Variants in LRRC40 observed in about 807,000 individuals in gnomAD.
LRRC40 encodes the protein leucine-rich repeat-containing protein 40.
In LRRC40, 76 loss-of-function variants were observed where a neutral mutation model predicts 72.8. The observed-to-expected ratio is 1.04, with a 90% CI of 0.87 to 1.26. LRRC40 has a LOEUF of 1.26. Among genes scored for constraint, LRRC40 ranks in the 50% most tolerant of loss-of-function variants. The pLI, the probability that LRRC40 is intolerant of heterozygous loss-of-function variation, is 0.00. For synonymous variants in LRRC40, 243 were observed against 254.2 expected (o/e 0.96, Z 0.42); for missense variants, 684 against 698.9 (o/e 0.98, Z 0.24).
At position 70,144,947 on chromosome 1, in the gene LRRC40, A is replaced by ACTT. The variant is rs1402447465; in HGVS notation, c.*850_*852dup. ...AATTGATATACATGCTACTGAATTG[A>ACTT]CTTCTTAATAGAATCATATGGTAAG... On this transcript the variant is annotated 3_prime_UTR_variant, in exon 15 of 15. Transcript: ENST00000370952. The ACTT allele has an allele frequency of 6.6e-6, 1 of 152,206 alleles. No individual in the cohort carries two copies. The highest frequency in any genetic ancestry group is 2.4e-5 in the African/African-American group (1 of 41,462). 9.4% of individuals were successfully genotyped at this position (152,206 alleles called of 1,614,324 possible). A position where few individuals can be genotyped will look rare whatever the true frequency, so the allele number is the denominator to read the frequency against.
At chr1:70,165,446 G>A (rs1010595148) in intron 9 of LRRC40, among the ~76,000 whole-genome samples, 6 of 152,306 alleles carry the variant, frequency 3.9e-5, no homozygotes, top group Admixed American at 3.3e-4. Context: ...ACAGACAAGT[G>A]CCTTTTAATG....
At position 70,189,269 on chromosome 1, in the gene LRRC40, C is replaced by T. The variant is rs530549746; in HGVS notation, c.156G>A (p.Pro52=). 8.5e-6 allele frequency: 13 copies of T among 1,533,744 alleles called. No homozygotes were observed. The highest frequency in any genetic ancestry group is 4.6e-5 in the East Asian group (2 of 43,202). The part of the protein sequence containing the change: ...NLSGRNLSEV[P]QCVWRINVDI... ...CCACATTTATTCTCCAGACACACTG[C>T]GGCACTAGTTCCATCAGCACCACAC... Residue 52 remains proline (P), a synonymous_variant, in exon 2 of 15, where the codon CCG becomes CCA. Coordinates refer to ENST00000370952, the MANE Select transcript of LRRC40 (RefSeq NM_017768.5).
At chr1:70,156,333 C>T (rs1444677164) in intron 10 of LRRC40, among the ~76,000 whole-genome samples, 1 of 152,008 alleles carries the variant, frequency 6.6e-6, no homozygotes, top group Non-Finnish European at 1.5e-5. Flanking sequence ...CAATTTCTCT[C>T]TCCTTTAGTA....
At chr1:70,202,036 C>G (rs1668752207) in intron 1 of LRRC40, among the ~76,000 whole-genome samples, 1 of 151,928 alleles carries the variant, frequency 6.6e-6, no homozygotes, top group Non-Finnish European at 1.5e-5. Context: ...GGCCAAAATC[C>G]AAAAACCTGA....
At chr1:70,183,182 T>C (rs1417836851) in intron 4 of LRRC40, among the ~76,000 whole-genome samples, 1 of 152,160 alleles carries the variant, frequency 6.6e-6, no homozygotes, top group African/African-American at 2.4e-5. Context: ...TCAAGGAGGA[T>C]GTACACACAG....
intron 2 of LRRC40, among the ~76,000 whole-genome samples, chr1:70,188,852 A>C (rs747745285): frequency 3.3e-5 from 5 of 152,194 alleles, no homozygotes; most frequent in Non-Finnish European, 4.4e-5. Context: ...ACAGATGTGG[A>C]GACTAAGGCA....
At chr1:70,156,941 C>T (rs1667650632) in intron 10 of LRRC40, among the ~76,000 whole-genome samples, 2 of 152,042 alleles carry the variant, frequency 1.3e-5, no homozygotes, top group African/African-American at 2.4e-5. Flanking sequence ...TGTGGATAAG[C>T]GGGACTACTA....
rs1558124342 is a variant in LRRC40, at chr1:70,184,850, G to C, written c.472C>G (p.Leu158Val). The C allele has an allele frequency of 6.2e-7, 1 of 1,611,092 alleles. No individual in the cohort carries two copies. ...ATGCAGGTTAATTCATTATGCTGGA[G>C]ATACAGGCACTTCAGGTTTCTTAGG... ...TNLRNLKCLY[L>V]QHNELTCISE... The change falls in exon 4 of 15, where the codon CTC becomes GTC. Residue 158 changes from leucine (L) to valine (V), a missense_variant. Physicochemically the swap from Leu to Val is conservative, Grantham distance 32. Coordinates refer to ENST00000370952, the MANE Select transcript of LRRC40 (RefSeq NM_017768.5).
At chr1:70,151,232 T>A (rs1282686955) in intron 12 of LRRC40, 27 bp from the exon 13 acceptor site, 1 of 1,148,246 alleles carries the variant, frequency 8.7e-7, no homozygotes, top group East Asian at 2.4e-5. Context: ...AACAGAAGAT[T>A]TACAAAGTTT....
At position 70,175,983 on chromosome 1, in the gene LRRC40, C is replaced by A; in HGVS notation, c.805-1G>T. 6.5e-7 allele frequency: 1 copy of A among 1,541,106 alleles called. No homozygotes were observed. Among genetic ancestry groups the A allele is most frequent in the Non-Finnish European group, 8.7e-7 (1 of 1,149,888 alleles). ...TCTGGTTTTCACCTACGTGCAATTC[C>A]TACAAAATCAAAGATGAGTTATGTG... On this transcript the variant is annotated splice_acceptor_variant, in intron 6 of 14. Coordinates refer to ENST00000370952, the MANE Select transcript of LRRC40 (RefSeq NM_017768.5). LOFTEE classifies it high-confidence loss of function.
chr1:70,204,417 G>T (rs1668845922), intron 1 of LRRC40, among the ~76,000 whole-genome samples: 2 of 152,188 alleles, frequency 1.3e-5, no homozygotes, highest in South Asian at 2.1e-4. Context: ...TGATAGGTAT[G>T]CAAGTTTAGA....
At chr1:70,204,467 T>C (rs935723513) in intron 1 of LRRC40, among the ~76,000 whole-genome samples, 1 of 152,102 alleles carries the variant, frequency 6.6e-6, no homozygotes, top group Non-Finnish European at 1.5e-5. Context: ...AGTAGATATA[T>C]ATATATGCAC....
rs547796529 is a variant in LRRC40 at position 70,189,239 on chromosome 1, G to A, written c.186C>T (p.Ile62=). The change falls in exon 2 of 15, where the codon ATC becomes ATT. Residue 62 remains isoleucine, a synonymous_variant. Transcript: ENST00000370952. ...AAAGATTCTGATTAGCTTCCTCAGG[G>A]ATATCCACATTTATTCTCCAGACAC... ...PQCVWRINVD[I]PEEANQNLSF... The A allele has an allele frequency of 2.5e-6, 4 of 1,606,200 alleles. No individual in the cohort carries two copies. The African/African-American group carries it at 4.1e-5, about 16-fold the overall frequency.
chr1:70,150,105 G>A (rs2100226045), intron 13 of LRRC40, among the ~76,000 whole-genome samples: 1 of 152,182 alleles, frequency 6.6e-6, no homozygotes, highest in African/African-American at 2.4e-5. Flanking sequence ...TTTTAGTAGA[G>A]ATGGAGTTTC....
intron 1 of LRRC40, among the ~76,000 whole-genome samples, chr1:70,198,073 T>G (rs933074302): frequency 6.6e-6 from 1 of 152,154 alleles, no homozygotes; most frequent in African/African-American, 2.4e-5. Flanking sequence ...CGTGTCACAC[T>G]TTTTATTCTG....
intron 9 of LRRC40, among the ~76,000 whole-genome samples, chr1:70,166,661 T>TAA (rs201660385): frequency 3.1e-3 from 435 of 139,360 alleles, no homozygotes; most frequent in African/African-American, 6.7e-3. Flanking sequence ...CGCTTCTAAA[T>TAA]AAAAAAAAAA....
intron 3 of LRRC40, among the ~76,000 whole-genome samples, chr1:70,186,113 C>T (rs1358501560): frequency 3.9e-5 from 6 of 152,138 alleles, no homozygotes; most frequent in Non-Finnish European, 7.4e-5. Flanking sequence ...TAGCTGAAAT[C>T]TTTGCACACT....
rs763929839 is a variant in LRRC40 at position 70,152,496 on chromosome 1, T to C, written c.1376A>G (p.Asn459Ser). ...EMVSDVDLSF[N>S]KLSFISLELC... ...CTCCAAGGATATAAAGGAAAGTTTA[T>C]TAAAACTGAGATCGACATCAGAAAC... The change falls in exon 12 of 15, where the codon AAT (asparagine) becomes AGT (serine). Residue 459 changes from asparagine (N) to serine (S), a missense_variant. Asn to Ser is a conservative substitution (Grantham distance 46). Coordinates refer to ENST00000370952, the MANE Select transcript of LRRC40 (RefSeq NM_017768.5). The C allele has an allele frequency of 2.5e-6, 4 of 1,609,100 alleles. No individual in the cohort carries two copies. The highest frequency in any genetic ancestry group is 3.4e-6 in the Non-Finnish European group (4 of 1,176,104).
intron 1 of LRRC40, among the ~76,000 whole-genome samples, chr1:70,199,475 T>C (rs1369653340): frequency 6.6e-6 from 1 of 152,200 alleles, no homozygotes; most frequent in Admixed American, 6.5e-5. Context: ...GGTTCACTTA[T>C]ATATGGATTT....
Sources: gnomAD v4.1 joint callset for allele counts (sites outside exome capture counted in the v4.1 genomes callset) on GRCh38, gnomAD v4.1.1 for gene constraint, MANE v1.5 for transcripts, NCBI Gene and HGNC (gene_info 2026-07-23, HGNC 2026-07-21) for gene names.